The following SFXN1 variants were observed in gnomAD, a reference collection of about 807,000 sequenced individuals.
SFXN1 encodes sideroflexin-1.
In SFXN1, 32 loss-of-function variants were observed where a neutral mutation model predicts 39.5. The observed-to-expected ratio is 0.81, with a 90% CI of 0.61 to 1.09. The LOEUF (loss-of-function observed/expected upper bound fraction) is 1.09. Among genes scored for constraint, SFXN1 ranks in the 50% least tolerant of loss-of-function variants. The pLI, the probability that SFXN1 is intolerant of heterozygous loss-of-function variation, is 0.00. For synonymous variants in SFXN1, 136 were observed against 146.5 expected (o/e 0.93, Z 0.52); for missense variants, 402 against 407.1 (o/e 0.99, Z 0.11).
At position 175,513,470 on chromosome 5, in the gene SFXN1, A is replaced by C. The variant is rs149484695; in HGVS notation, c.604A>C (p.Lys202Gln). 90 of 1,613,838 alleles carry C rather than the reference A, an allele frequency of 5.6e-5. No homozygotes were observed. In the East Asian group the frequency reaches 1.7e-3, roughly 31 times the overall value. Residue 202 changes from lysine (K) to glutamine (Q), a missense_variant, in exon 7 of 11, where the codon AAA (lysine) becomes CAA (glutamine). Coordinates refer to ENST00000321442, the MANE Select transcript of SFXN1 (RefSeq NM_022754.7). ...NIPLMRQREL[K>Q]VGIPVTDENG... is the part of the protein sequence containing the mutation. ...ATGTGTTTTGCTCTGCAGGGAACTC[A>C]AAGTTGGCATTCCCGTCACGGATGA...
chr5:175,496,945 G>A (rs1759880521), intron 2 of SFXN1, among the ~76,000 whole-genome samples: 2 of 151,700 alleles, frequency 1.3e-5, no homozygotes, highest in South Asian at 4.2e-4. Context: ...AGGCTAGAGT[G>A]CAGTGGCACA....
rs901612703 is a variant in SFXN1 at position 175,527,035 on chromosome 5, A to T, written c.*301A>T. Reference sequence around the variant, plus strand: ...ACCCAGGTTTTAAAAAAGCACTGGTAGGCATAGAATAGGTGCTCAGTATAT... The same window carrying T: ...ACCCAGGTTTTAAAAAAGCACTGGTTGGCATAGAATAGGTGCTCAGTATAT... On this transcript the variant is annotated 3_prime_UTR_variant, in exon 11 of 11. Coordinates refer to ENST00000321442, the MANE Select transcript of SFXN1 (RefSeq NM_022754.7). 3 of 375,260 alleles carry T rather than the reference A, an allele frequency of 8.0e-6. No individual in the cohort carries two copies. The highest frequency in any genetic ancestry group is 6.1e-5 in the African/African-American group (3 of 49,080). 23.2% of individuals were successfully genotyped at this position (375,260 alleles called of 1,614,324 possible). A position where few individuals can be genotyped will look rare whatever the true frequency, so the allele number is the denominator to read the frequency against.
rs1470116855 is a variant in SFXN1, at chr5:175,488,602, A to G, written c.-9-3493A>G. Among the ~76,000 whole-genome samples the G allele has an allele frequency of 2.0e-5, 3 of 152,180 alleles. No homozygotes were observed. In the South Asian group the frequency reaches 6.2e-4, roughly 32 times the overall value. ...GTGTGAGCCACCACGCCCGGCCGAC[A>G]CCAGATGCATTTCTGACTTCAGGTC... On this transcript the variant is annotated intron_variant, in intron 1 of 10. Transcript: ENST00000321442.
In SFXN1 at chr5:175,513,452, T is replaced by A; in HGVS notation, c.597-11T>A. ...ATTGGTGGAGCTCTCTGTATGTGTT[T>A]TGCTCTGCAGGGAACTCAAAGTTGG... is the stretch of plus-strand genomic sequence containing the variant. On this transcript the variant is annotated splice_polypyrimidine_tract_variant and intron_variant, in intron 6 of 10. Coordinates refer to ENST00000321442, the MANE Select transcript of SFXN1 (RefSeq NM_022754.7). 6.2e-7 allele frequency: 1 copy of A among 1,613,454 alleles called. No homozygotes were observed. Among genetic ancestry groups the A allele is most frequent in the Non-Finnish European group, 8.5e-7 (1 of 1,179,552 alleles).
intron 1 of SFXN1, among the ~76,000 whole-genome samples, chr5:175,488,882 G>GTTGT (rs1267889098): frequency 1.3e-5 from 2 of 152,082 alleles, no homozygotes; most frequent in East Asian, 1.9e-4. Flanking sequence ...TTGTTTGTTT[G>GTTGT]TTGTTTGTTT....
chr5:175,496,329 G>C (rs532488538), intron 2 of SFXN1, among the ~76,000 whole-genome samples: 2 of 151,432 alleles, frequency 1.3e-5, no homozygotes, highest in Admixed American at 1.3e-4. Context: ...AGCCGAGATC[G>C]CTCCCTGCAC....
At chr5:175,503,928 T>C (rs113891954) in intron 2 of SFXN1, among the ~76,000 whole-genome samples, 14,639 of 147,958 alleles carry the variant, frequency 0.099, 722 homozygotes, top group Admixed American at 0.13. Flanking sequence ...TGCTTGAACC[T>C]GGGAGGTAGA....
At chr5:175,505,644 G>T (rs983741166) in intron 2 of SFXN1, among the ~76,000 whole-genome samples, 1 of 151,762 alleles carries the variant, frequency 6.6e-6, no homozygotes, top group Non-Finnish European at 1.5e-5. Flanking sequence ...ATAGCGTGTG[G>T]GACGGTTGCT....
intron 1 of SFXN1, among the ~76,000 whole-genome samples, chr5:175,487,400 T>G (rs1759490792): frequency 6.6e-6 from 1 of 152,146 alleles, no homozygotes; most frequent in Non-Finnish European, 1.5e-5. Flanking sequence ...TCATTGCTGT[T>G]AAATCCACCT....
chr5:175,518,834 G>A (rs1760794194), intron 8 of SFXN1, among the ~76,000 whole-genome samples: 1 of 152,128 alleles, frequency 6.6e-6, no homozygotes, highest in African/African-American at 2.4e-5. Context: ...ACACGGGCTA[G>A]GCAAAGACTT....
At chr5:175,493,342 G>A (rs1759733796) in intron 2 of SFXN1, among the ~76,000 whole-genome samples, 1 of 152,218 alleles carries the variant, frequency 6.6e-6, no homozygotes, top group Non-Finnish European at 1.5e-5. Context: ...CCTGCACTGG[G>A]GGAAAGTCAA....
At chr5:175,525,299 C>T (rs1761023519) in intron 10 of SFXN1, among the ~76,000 whole-genome samples, 1 of 152,150 alleles carries the variant, frequency 6.6e-6, no homozygotes, top group Non-Finnish European at 1.5e-5. Context: ...TCAGTTGCAC[C>T]TCAGGTTTCC....
chr5:175,499,445 T>C (rs533905846), intron 2 of SFXN1, among the ~76,000 whole-genome samples: 17 of 152,230 alleles, frequency 1.1e-4, no homozygotes, highest in Middle Eastern at 3.4e-3. Flanking sequence ...TTAACAAATC[T>C]ACCCGGAAAG....
intron 7 of SFXN1, 31 bp from the exon 8 acceptor site, chr5:175,516,583 A>G (rs1200866717): frequency 6.3e-7 from 1 of 1,581,040 alleles, no homozygotes; most frequent in Non-Finnish European, 8.6e-7. Context: ...GCATTAAATA[A>G]AGATTTAAGT....
chr5:175,516,781 C>CT lies in SFXN1; in HGVS notation c.774+120dup, dbSNP rs555920954. Reference sequence around the variant, plus strand: ...AAGCCGAAGGCCAGTTTCCTGGGCTCTTACGTAAATAAAAAGATGTTCCCA... The same window carrying CT: ...AAGCCGAAGGCCAGTTTCCTGGGCTCTTTACGTAAATAAAAAGATGTTCCCA... On this transcript the variant is annotated intron_variant, in intron 8 of 10. Coordinates refer to ENST00000321442, the MANE Select transcript of SFXN1 (RefSeq NM_022754.7). 1.6e-4 allele frequency: 150 copies of CT among 917,122 alleles called. No individual in the cohort carries two copies. The African/African-American group carries it at 2.2e-3, about 14-fold the overall frequency. 56.8% of individuals were successfully genotyped at this position (917,122 alleles called of 1,614,324 possible).
chr5:175,524,570 T>G (rs1761001151), intron 10 of SFXN1, among the ~76,000 whole-genome samples: 1 of 151,812 alleles, frequency 6.6e-6, no homozygotes, highest in South Asian at 2.1e-4. Context: ...CTTTAAATGT[T>G]TATATTATGA....
At chr5:175,521,390 T>C (rs1760873881) in intron 8 of SFXN1, among the ~76,000 whole-genome samples, 1 of 152,188 alleles carries the variant, frequency 6.6e-6, no homozygotes, top group Admixed American at 6.5e-5. Context: ...GTTTCTGATA[T>C]GTTCCAGCCA....
chr5:175,522,700 G>A (rs1760919402), intron 10 of SFXN1: 2 of 355,990 alleles, frequency 5.6e-6, no homozygotes. Flanking sequence ...TTGCTTTTAT[G>A]AAAATTTAAA....
At chr5:175,481,731 G>A (rs562202431) in intron 1 of SFXN1, among the ~76,000 whole-genome samples, 1 of 152,336 alleles carries the variant, frequency 6.6e-6, no homozygotes, top group East Asian at 1.9e-4. Context: ...CAGGCCCAAC[G>A]TCTCCATGCA....
Sources: gnomAD v4.1 joint callset for allele counts (sites outside exome capture counted in the v4.1 genomes callset) on GRCh38, gnomAD v4.1.1 for gene constraint, MANE v1.5 for transcripts, NCBI Gene and HGNC (gene_info 2026-07-23, HGNC 2026-07-21) for gene names.